Variants in ADAM22 observed in about 807,000 individuals in gnomAD.
ADAM22 encodes ADAM metallopeptidase domain 22, also known as disintegrin and metalloproteinase domain-containing protein 22.
ADAM22 carries 65 observed loss-of-function variants against 144.6 expected under a neutral mutation model. The observed-to-expected ratio is 0.45, with a 90% CI of 0.37 to 0.55. The LOEUF (loss-of-function observed/expected upper bound fraction) is 0.55, where lower values mean the gene tolerates loss of function less well. ADAM22 is among the 20% of genes least tolerant of loss of function. ADAM22 has a pLI of 0.00. For missense variants in ADAM22, 974 were observed against 1,184.9 expected, an observed-to-expected ratio of 0.82 and a Z score of 2.61; for synonymous variants, 391 against 412.6, an observed-to-expected ratio of 0.95 and a Z score of 0.63.
chr7:87,991,417 A>T (rs924976730), intron 3 of ADAM22, among the ~76,000 whole-genome samples: 1 of 135,474 alleles, frequency 7.4e-6, no homozygotes, highest in African/African-American at 2.9e-5. Flanking sequence ...CGGAATGCGG[A>T]ATGTAGTGGC....
chr7:88,087,012 T>G (rs2129484126), intron 4 of ADAM22, among the ~76,000 whole-genome samples: 1 of 152,304 alleles, frequency 6.6e-6, no homozygotes, highest in East Asian at 1.9e-4. Flanking sequence ...AATACAACTA[T>G]TATCCTAATT....
intron 15 of ADAM22, among the ~76,000 whole-genome samples, chr7:88,143,592 T>A (rs1257687023): frequency 6.6e-6 from 1 of 152,192 alleles, no homozygotes; most frequent in Non-Finnish European, 1.5e-5. Context: ...CAAGTCTTCT[T>A]AAAGCAGAAA....
At chr7:87,960,193 C>T (rs1006834423) in intron 2 of ADAM22, among the ~76,000 whole-genome samples, 3 of 152,284 alleles carry the variant, frequency 2.0e-5, no homozygotes, top group African/African-American at 7.2e-5. Flanking sequence ...AACAGTCTTT[C>T]CAAAATCTGT....
intron 4 of ADAM22, among the ~76,000 whole-genome samples, chr7:88,102,805 C>G (rs1823293400): frequency 6.6e-6 from 1 of 152,186 alleles, no homozygotes; most frequent in Non-Finnish European, 1.5e-5. Context: ...CCTCCCTCAC[C>G]TGTTTATATA....
chr7:88,184,258 CT>C, intron 29 of ADAM22: 1 of 303,606 alleles, frequency 3.3e-6, no homozygotes, highest in Non-Finnish European at 6.7e-6. Context: ...CATTTTTTGG[CT>C]TAGACTTTGT....
intron 22 of ADAM22, among the ~76,000 whole-genome samples, chr7:88,160,956 G>A (rs1267908425): frequency 6.6e-6 from 1 of 152,006 alleles, no homozygotes; most frequent in Non-Finnish European, 1.5e-5. Context: ...ACACACCGGG[G>A]CCTGTCATGG....
rs1788153213 is a variant in ADAM22, at chr7:87,985,147, A to G, written c.323+6735A>G. ...GCTAACATGGTGAAACCCCGTCTCT[A>G]CTAAAAATACAAAAAATTATCCAGG... On this transcript the variant is annotated intron_variant, in intron 3 of 31. Coordinates refer to ENST00000413139, the MANE Select transcript of ADAM22 (RefSeq NM_001324418.2). Among the ~76,000 whole-genome samples, 3 of 151,828 alleles carry G rather than the reference A, an allele frequency of 2.0e-5. No homozygotes were observed. The South Asian group carries it at 6.3e-4, about 32-fold the overall frequency.
intron 6 of ADAM22, 65 bp downstream of exon 6, chr7:88,114,712 C>CT (rs1242604142): frequency 1.8e-5 from 26 of 1,415,428 alleles, no homozygotes; most frequent in Admixed American, 7.6e-5. Flanking sequence ...TTTTCCTCTC[C>CT]TTTTTTTATC....
At chr7:88,053,591 GGAAAGAAAGAAAGAAA>G (rs1214968746) in intron 3 of ADAM22, among the ~76,000 whole-genome samples, 1,963 of 113,382 alleles carry the variant, frequency 0.017, 56 homozygotes, top group African/African-American at 0.053. Flanking sequence ...AAGGAAGGAA[GGAAAGAAAGAAAGAAA>G]GAAAGAAAGA....
chr7:88,200,448 G>A lies in ADAM22; in HGVS notation c.*3957G>A, dbSNP rs765930863. On this transcript the variant is annotated 3_prime_UTR_variant, in exon 32 of 32. Transcript: ENST00000413139. Reference sequence around the variant, plus strand: ...GACAAGACAGCTGCCTGCACAGTCTGATAGGACACATCTGGCTGCTGCCAC... The same window carrying A: ...GACAAGACAGCTGCCTGCACAGTCTAATAGGACACATCTGGCTGCTGCCAC... 5.9e-5 allele frequency: 9 copies of A among 152,248 alleles called. No homozygotes were observed. The highest frequency in any genetic ancestry group is 1.0e-4 in the Non-Finnish European group (7 of 68,050). 9.4% of individuals were successfully genotyped at this position (152,248 alleles called of 1,614,324 possible).
intron 2 of ADAM22, among the ~76,000 whole-genome samples, chr7:87,957,749 A>AT (rs1847129340): frequency 6.6e-6 from 1 of 151,806 alleles, no homozygotes; most frequent in African/African-American, 2.4e-5. Context: ...TGCCTGGCTA[A>AT]TTTTTTGTAT....
At chr7:88,033,275 TGCTATG>T (rs1452558674) in intron 3 of ADAM22, among the ~76,000 whole-genome samples, 3 of 152,260 alleles carry the variant, frequency 2.0e-5, no homozygotes, top group Non-Finnish European at 4.4e-5. Flanking sequence ...AGCCCAGTAA[TGCTATG>T]GCTCTTGCAG....
chr7:88,069,361 C>G (rs903674847), intron 3 of ADAM22, among the ~76,000 whole-genome samples: 1 of 152,110 alleles, frequency 6.6e-6, no homozygotes, highest in South Asian at 2.1e-4. Context: ...GAACTGTGAG[C>G]CAACATATTT....
chr7:88,058,607 ACT>A (rs1808919986), intron 3 of ADAM22, among the ~76,000 whole-genome samples: 1 of 152,186 alleles, frequency 6.6e-6, no homozygotes, highest in Non-Finnish European at 1.5e-5. Flanking sequence ...GTTCACAAAG[ACT>A]GTTCTGTTAC....
At chr7:88,119,125 A>G (rs142018579) in intron 7 of ADAM22, among the ~76,000 whole-genome samples, 347 of 152,306 alleles carry the variant, frequency 2.3e-3, no homozygotes, top group African/African-American at 8.3e-3. Flanking sequence ...CTGTCTCAGG[A>G]CTAGTGTTTC....
At chr7:87,990,899 A>T (rs1305810187) in intron 3 of ADAM22, among the ~76,000 whole-genome samples, 2 of 152,162 alleles carry the variant, frequency 1.3e-5, no homozygotes, top group African/African-American at 4.8e-5. Context: ...CCTGACCTCA[A>T]GTGATCCATT....
At chr7:87,964,323 A>G (rs1352732598) in intron 2 of ADAM22, among the ~76,000 whole-genome samples, 4 of 152,220 alleles carry the variant, frequency 2.6e-5, no homozygotes, top group Non-Finnish European at 5.9e-5. Context: ...CAGTTTTTCT[A>G]TGTCTCCTAA....
intron 4 of ADAM22, among the ~76,000 whole-genome samples, chr7:88,105,419 C>T (rs975173755): frequency 7.9e-5 from 12 of 152,186 alleles, no homozygotes; most frequent in African/African-American, 2.7e-4. Flanking sequence ...AAAGCTAGAA[C>T]TTTGATCTCT....
At chr7:87,996,302 A>T (rs546444943) in intron 3 of ADAM22, among the ~76,000 whole-genome samples, 1 of 152,372 alleles carries the variant, frequency 6.6e-6, no homozygotes, top group South Asian at 2.1e-4. Flanking sequence ...GCTTAAAAAC[A>T]GAAATGTATT....
Sources: gnomAD v4.1 joint callset for allele counts (sites outside exome capture counted in the v4.1 genomes callset) on GRCh38, gnomAD v4.1.1 for gene constraint, MANE v1.5 for transcripts, NCBI Gene and HGNC (gene_info 2026-07-23, HGNC 2026-07-21) for gene names.